The following FNBP1L variants were observed in gnomAD, a reference collection of about 807,000 sequenced individuals.
FNBP1L encodes the protein formin-binding protein 1-like.
A neutral mutation model predicts 91.2 loss-of-function variants in FNBP1L; 36 were observed. The ratio of observed to expected loss-of-function variants is 0.39; its 90% CI spans 0.30 to 0.52. The LOEUF is 0.52. Ranked by LOEUF, FNBP1L falls within the 20% of genes least tolerant of loss-of-function variation. The probability of loss-of-function intolerance (pLI) is 0.66; values close to 1 mark genes in which losing one functional copy is unlikely to be tolerated. For missense variants in FNBP1L, 571 were observed against 732.1 expected, an observed-to-expected ratio of 0.78 and a Z score of 2.54; for synonymous variants, 242 against 237.0, an observed-to-expected ratio of 1.02 and a Z score of -0.19.
At chr1:93,527,062 C>G (rs1216486868) in intron 5 of FNBP1L, among the ~76,000 whole-genome samples, 1 of 152,006 alleles carries the variant, frequency 6.6e-6, no homozygotes, top group African/African-American at 2.4e-5. Context: ...CATTTGGTGT[C>G]TCATACTAAT....
intron 2 of FNBP1L, among the ~76,000 whole-genome samples, chr1:93,516,172 A>G (rs1170431729): frequency 6.6e-6 from 1 of 151,716 alleles, no homozygotes; most frequent in Non-Finnish European, 1.5e-5. Context: ...GTGGGATTAA[A>G]GGAGTACTGT....
chr1:93,506,376 C>T (rs1266303480), intron 2 of FNBP1L, among the ~76,000 whole-genome samples: 1 of 152,142 alleles, frequency 6.6e-6, no homozygotes, highest in African/African-American at 2.4e-5. Context: ...AGCTCCCATA[C>T]TGGCCTCAAA....
chr1:93,553,630 T>A lies in FNBP1L; in HGVS notation c.*1214T>A, dbSNP rs868741338. The A allele has an allele frequency of 2.0e-5, 3 of 152,804 alleles. No individual in the cohort carries two copies. The South Asian group carries it at 6.2e-4, about 32-fold the overall frequency. 9.5% of individuals were successfully genotyped at this position (152,804 alleles called of 1,614,324 possible). A position where few individuals can be genotyped will look rare whatever the true frequency, so the allele number is the denominator to read the frequency against. ...TCTCTTTCCACGTGATGCTTTTGTT[T>A]GAACCTGATAAAATTTAGTGAAACT... is the stretch of plus-strand genomic sequence containing the variant. On this transcript the variant is annotated 3_prime_UTR_variant, in exon 17 of 17. Transcript: ENST00000271234.
intron 13 of FNBP1L, 92 bp from the exon 14 acceptor site, chr1:93,547,255 A>G: frequency 8.9e-7 from 1 of 1,117,928 alleles, no homozygotes; most frequent in Non-Finnish European, 1.3e-6. Flanking sequence ...TTACATAATT[A>G]TAAAAACTTA....
At position 93,552,489 on chromosome 1, in the gene FNBP1L, A is replaced by G; in HGVS notation, c.*73A>G. On this transcript the variant is annotated 3_prime_UTR_variant, in exon 17 of 17. Coordinates refer to ENST00000271234, the MANE Select transcript of FNBP1L (RefSeq NM_001164473.3). ...AGCTGCTTTTGGGGGAGGGTATTAG[A>G]GTTGTCAGGCTCAAAGAGAGTGAGA... 2 of 1,569,148 alleles carry G rather than the reference A, an allele frequency of 1.3e-6. No homozygotes were observed. Among genetic ancestry groups the G allele is most frequent in the Middle Eastern group, 1.7e-4 (1 of 5,920 alleles).
At chr1:93,530,265 T>A (rs1256087927) in intron 6 of FNBP1L, among the ~76,000 whole-genome samples, 1 of 152,178 alleles carries the variant, frequency 6.6e-6, no homozygotes, top group Admixed American at 6.5e-5. Context: ...TATTCAACAA[T>A]CATATTATTA....
chr1:93,503,998 G>T (rs891775201), intron 2 of FNBP1L, among the ~76,000 whole-genome samples: 12 of 152,068 alleles, frequency 7.9e-5, no homozygotes, highest in African/African-American at 2.7e-4. Flanking sequence ...AGAGAATTAG[G>T]CTGGAAGACA....
At chr1:93,474,170 A>C (rs1185466398) in intron 1 of FNBP1L, among the ~76,000 whole-genome samples, 1 of 151,962 alleles carries the variant, frequency 6.6e-6, no homozygotes, top group Non-Finnish European at 1.5e-5. Flanking sequence ...CTTGAACCGG[A>C]AGGCGGAGGT....
At chr1:93,459,101 A>C (rs7553695) in intron 1 of FNBP1L, among the ~76,000 whole-genome samples, 28,970 of 152,044 alleles carry the variant, frequency 0.19, 4,976 homozygotes, top group African/African-American at 0.46. Context: ...ATGACAAAAC[A>C]CCGTCTCCAC....
chr1:93,514,470 A>C (rs1670994080), intron 2 of FNBP1L, among the ~76,000 whole-genome samples: 1 of 151,808 alleles, frequency 6.6e-6, no homozygotes, highest in Admixed American at 6.6e-5. Flanking sequence ...GTCAATCCTA[A>C]GCCAAAAGAA....
chr1:93,501,480 T>TA (rs938506307), intron 2 of FNBP1L, among the ~76,000 whole-genome samples: 10 of 152,066 alleles, frequency 6.6e-5, no homozygotes, highest in Admixed American at 6.6e-4. Flanking sequence ...ACTGACTTTT[T>TA]AAAAACCCAC....
chr1:93,457,911 C>A (rs1248926999), intron 1 of FNBP1L, among the ~76,000 whole-genome samples: 1 of 151,816 alleles, frequency 6.6e-6, no homozygotes, highest in East Asian at 1.9e-4. Flanking sequence ...CCTGCCTCAG[C>A]CTCCCGAGTA....
chr1:93,468,331 C>T (rs1278679273), intron 1 of FNBP1L, among the ~76,000 whole-genome samples: 1 of 152,034 alleles, frequency 6.6e-6, no homozygotes, highest in Non-Finnish European at 1.5e-5. Flanking sequence ...GCATATACCA[C>T]ATTTTATTCA....
intron 1 of FNBP1L, among the ~76,000 whole-genome samples, chr1:93,497,777 G>A (rs191600409): frequency 7.1e-4 from 108 of 152,052 alleles, no homozygotes; most frequent in Admixed American, 1.7e-3. Context: ...GTGCCACCAC[G>A]CCTGGCCAAT....
intron 1 of FNBP1L, among the ~76,000 whole-genome samples, chr1:93,484,916 G>T (rs1669845717): frequency 6.6e-6 from 1 of 152,146 alleles, no homozygotes; most frequent in South Asian, 2.1e-4. Flanking sequence ...ACTTTGGGAG[G>T]CCAAGGTGGG....
chr1:93,474,071 G>A (rs150289393), intron 1 of FNBP1L, among the ~76,000 whole-genome samples: 3 of 151,896 alleles, frequency 2.0e-5, no homozygotes, highest in African/African-American at 4.8e-5. Flanking sequence ...ATCGTGAAAC[G>A]CCATCTCTAC....
At chr1:93,458,782 TAAAC>T (rs753009800) in intron 1 of FNBP1L, among the ~76,000 whole-genome samples, 21 of 152,382 alleles carry the variant, frequency 1.4e-4, no homozygotes, top group Admixed American at 2.0e-4. Flanking sequence ...TTTTCAGAAA[TAAAC>T]ATTCACATAA....
At chr1:93,529,600 G>A in intron 5 of FNBP1L, 52 bp from the exon 6 acceptor site, 1 of 1,108,974 alleles carries the variant, frequency 9.0e-7, no homozygotes, top group Non-Finnish European at 1.3e-6. Context: ...TTTCTTAAAT[G>A]AAGTTAGCCT....
chr1:93,550,993 C>T lies in FNBP1L; in HGVS notation c.1698C>T (p.Tyr566=), dbSNP rs1014399718. 1 of 1,610,758 alleles carries T rather than the reference C, an allele frequency of 6.2e-7. No homozygotes were observed. The highest frequency in any genetic ancestry group is 8.5e-7 in the Non-Finnish European group (1 of 1,178,208). ...CAATGAAAGAAGGTGAAGTTCTCTACATTATAGAGGAGGACAAAGGTGACG... is the reference window on the plus strand; with the variant it reads ...CAATGAAAGAAGGTGAAGTTCTCTATATTATAGAGGAGGACAAAGGTGACG... The part of the protein sequence containing the change: ...TLAMKEGEVL[Y]IIEEDKGDGW... Residue 566 remains tyrosine, a synonymous_variant, in exon 16 of 17, where the codon TAC becomes TAT. Coordinates refer to ENST00000271234, the MANE Select transcript of FNBP1L (RefSeq NM_001164473.3).
Sources: allele counts gnomAD v4.1 joint callset (sites outside exome capture counted in the v4.1 genomes callset), GRCh38; gene constraint gnomAD v4.1.1; transcripts MANE v1.5; gene names NCBI Gene and HGNC (gene_info 2026-07-23, HGNC 2026-07-21).